Variants in TNFAIP6 observed in about 807,000 individuals in gnomAD.
The protein encoded by TNFAIP6 is TNF alpha induced protein 6, also known as tumor necrosis factor-inducible gene 6 protein.
A neutral mutation model predicts 33.7 loss-of-function variants in TNFAIP6; 36 were observed. The observed-to-expected ratio is 1.07, with a 90% CI of 0.82 to 1.41. TNFAIP6 has a LOEUF of 1.41. TNFAIP6 is among the 40% of genes most tolerant of loss of function. The pLI, the probability that TNFAIP6 is intolerant of heterozygous loss-of-function variation, is 0.00. For synonymous variants in TNFAIP6, 113 were observed against 112.8 expected (o/e 1.00, Z -0.01); for missense variants, 273 against 331.9 (o/e 0.82, Z 1.38).
intron 5 of TNFAIP6, among the ~76,000 whole-genome samples, chr2:151,378,649 G>A (rs1269495836): frequency 6.6e-6 from 1 of 151,574 alleles, no homozygotes; most frequent in Non-Finnish European, 1.5e-5. Flanking sequence ...CACCAAGCCC[G>A]GCTGATTTTT....
intron 4 of TNFAIP6, among the ~76,000 whole-genome samples, chr2:151,371,485 A>G (rs1684813838): frequency 6.6e-6 from 1 of 152,252 alleles, no homozygotes; most frequent in Non-Finnish European, 1.5e-5. Context: ...TTGATTTTGA[A>G]TGTGTAATTT....
At chr2:151,381,120 A>T (rs1318965145), downstream of TNFAIP6, among the ~76,000 whole-genome samples, 1 of 152,022 alleles carries the variant, frequency 6.6e-6, no homozygotes, top group Non-Finnish European at 1.5e-5. Context: ...GATCTCTGTG[A>T]CCTTCTCCTT....
At chr2:151,365,305 T>C (rs1684691902) in intron 2 of TNFAIP6, among the ~76,000 whole-genome samples, 1 of 150,910 alleles carries the variant, frequency 6.6e-6, no homozygotes, top group Admixed American at 6.6e-5. Context: ...TTCATGCCAC[T>C]GCACTCTAGC....
chr2:151,377,363 G>T (rs1334293396), intron 5 of TNFAIP6, among the ~76,000 whole-genome samples: 8 of 151,518 alleles, frequency 5.3e-5, no homozygotes, highest in African/African-American at 7.3e-5. Context: ...TAGAGACAGG[G>T]TTTCACTGTG....
chr2:151,380,155 C>T (rs979304705), downstream of TNFAIP6: 1 of 151,974 alleles, frequency 6.6e-6, no homozygotes, highest in Non-Finnish European at 1.5e-5. Flanking sequence ...AAAAATGAGG[C>T]CTCACTGTAG....
chr2:151,366,344 C>T, intron 3 of TNFAIP6, 127 bp downstream of exon 3: 1 of 789,578 alleles, frequency 1.3e-6, no homozygotes. Flanking sequence ...CTACTAATAA[C>T]TACAATTCAT....
intron 4 of TNFAIP6, among the ~76,000 whole-genome samples, chr2:151,370,985 C>A (rs1403383394): frequency 3.3e-5 from 5 of 151,898 alleles, no homozygotes; most frequent in African/African-American, 1.2e-4. Context: ...GCAGGAGAAT[C>A]ACTTGAACCC....
intron 4 of TNFAIP6, among the ~76,000 whole-genome samples, chr2:151,371,153 G>A (rs1164744483): frequency 6.6e-6 from 1 of 151,976 alleles, no homozygotes; most frequent in Non-Finnish European, 1.5e-5. Flanking sequence ...ATGGAAGTAA[G>A]GTAAATAAGC....
intron 1 of TNFAIP6, 118 bp from the exon 2 acceptor site, chr2:151,363,825 C>T: frequency 3.1e-6 from 4 of 1,300,292 alleles, no homozygotes; most frequent in Non-Finnish European, 3.1e-6. Context: ...GGCAGCCAAC[C>T]CAGAAAGCCC....
At chr2:151,378,690 T>C (rs1684961752) in intron 5 of TNFAIP6, among the ~76,000 whole-genome samples, 1 of 151,874 alleles carries the variant, frequency 6.6e-6, no homozygotes, top group Middle Eastern at 3.4e-3. Flanking sequence ...GGATTCACCA[T>C]GTTGGTCAGG....
chr2:151,359,678 G>A lies in TNFAIP6; in HGVS notation c.94+1918G>A, dbSNP rs192230167. ...GCTGGGATTATAGGCGTGAGCCACC[G>A]CACCTGGCCCAGGGAACTCATAATG... On this transcript the variant is annotated intron_variant, in intron 1 of 5. Coordinates refer to ENST00000243347, the MANE Select transcript of TNFAIP6 (RefSeq NM_007115.4). Among the ~76,000 whole-genome samples, 999 of 152,190 alleles carry A rather than the reference G, an allele frequency of 6.6e-3. 7 individuals carry two copies. The highest frequency in any genetic ancestry group is 9.0e-3 in the Admixed American group (137 of 15,284).
rs1345419206 is a variant in TNFAIP6, at chr2:151,370,274, G to A, written c.623+26G>A. On this transcript the variant is annotated intron_variant, in intron 4 of 5. Coordinates refer to ENST00000243347, the MANE Select transcript of TNFAIP6 (RefSeq NM_007115.4). ...GTACGTATGGGTCCCCATACAGGAA[G>A]TTAAATGAACGTCCAGTATTTTGTT... is the stretch of plus-strand genomic sequence containing the variant. 3 of 1,536,376 alleles carry A rather than the reference G, an allele frequency of 2.0e-6. No homozygotes were observed. The South Asian group carries it at 3.4e-5, about 17-fold the overall frequency.
chr2:151,377,142 T>G (rs912736965), intron 5 of TNFAIP6, among the ~76,000 whole-genome samples: 1 of 151,558 alleles, frequency 6.6e-6, no homozygotes, highest in Non-Finnish European at 1.5e-5. Flanking sequence ...CCTGGCTGAC[T>G]CCCAATTTAC....
chr2:151,361,218 G>T lies in TNFAIP6; in HGVS notation c.95-2725G>T, dbSNP rs192024554. The stretch of plus-strand genomic sequence containing the variant: ...GCCTTCCAAGTAGCTGGGACTACAG[G>T]CGTGCACCACCACACCCGGCTAATC... On this transcript the variant is annotated intron_variant, in intron 1 of 5. Transcript: ENST00000243347. 1.8e-3 allele frequency among the ~76,000 whole-genome samples: 271 copies of T among 152,086 alleles called. 1 individual carries two copies. The highest frequency in any genetic ancestry group is 6.4e-3 in the African/African-American group (264 of 41,496).
Position 151,357,765 on chromosome 2 carries a change from G to C in TNFAIP6, c.94+5G>C. ...TTCATAACTCCATATGGCTTGGTAA[G>C]AACCTTCACTCATGAGCCTCTTGTT... On this transcript the variant is annotated splice_donor_5th_base_variant and intron_variant, in intron 1 of 5. Transcript: ENST00000243347. 6.4e-7 allele frequency: 1 copy of C among 1,563,086 alleles called. No homozygotes were observed. Among genetic ancestry groups the C allele is most frequent in the East Asian group, 2.2e-5 (1 of 44,588 alleles).
intron 1 of TNFAIP6, among the ~76,000 whole-genome samples, chr2:151,362,951 T>C (rs1342305411): frequency 6.6e-6 from 1 of 152,228 alleles, no homozygotes; most frequent in Non-Finnish European, 1.5e-5. Context: ...CGTTTTTATA[T>C]AGCTTAAATC....
At chr2:151,366,363 T>C in intron 3 of TNFAIP6, 146 bp downstream of exon 3, 2 of 691,888 alleles carry the variant, frequency 2.9e-6, no homozygotes, top group Non-Finnish European at 4.8e-6. Flanking sequence ...ATAAAGTGCT[T>C]ATACTATACC....
At chr2:151,369,850 A>C (rs890685132) in intron 3 of TNFAIP6, among the ~76,000 whole-genome samples, 170 bp from the exon 4 acceptor site, 4 of 152,348 alleles carry the variant, frequency 2.6e-5, no homozygotes, top group Middle Eastern at 3.4e-3. Flanking sequence ...TGATGAAAAA[A>C]TACATTTATT....
At chr2:151,362,435 G>A (rs949864307) in intron 1 of TNFAIP6, among the ~76,000 whole-genome samples, 1 of 145,690 alleles carries the variant, frequency 6.9e-6, no homozygotes, top group African/African-American at 2.5e-5. Flanking sequence ...ATTTGCTTTG[G>A]ATCCCTTCAG....
Sources: allele counts gnomAD v4.1 joint callset (sites outside exome capture counted in the v4.1 genomes callset), GRCh38; gene constraint gnomAD v4.1.1; transcripts MANE v1.5; gene names NCBI Gene and HGNC (gene_info 2026-07-23, HGNC 2026-07-21).